The following NXPH1 variants were observed in gnomAD, a reference collection of about 807,000 sequenced individuals.
The protein encoded by NXPH1 is neurexophilin 1.
A neutral mutation model predicts 23.7 loss-of-function variants in NXPH1; 5 were observed. That is an observed-to-expected ratio of 0.21 (90% CI 0.11 to 0.44). The LOEUF is 0.44. Among genes scored for constraint, NXPH1 ranks in the 20% least tolerant of loss-of-function variants. The probability of loss-of-function intolerance (pLI) is 0.99; values close to 1 mark genes in which losing one functional copy is unlikely to be tolerated. For synonymous variants in NXPH1, 144 were observed against 122.2 expected (o/e 1.18, Z -1.18); for missense variants, 324 against 321.6 (o/e 1.01, Z -0.06).
In NXPH1 at chr7:8,495,407, T is replaced by G. The variant is rs533623693; in HGVS notation, c.54+59640T>G. Among the ~76,000 whole-genome samples, 26 of 151,836 alleles carry G rather than the reference T, an allele frequency of 1.7e-4. No individual in the cohort carries two copies. In the South Asian group the frequency reaches 5.4e-3, roughly 32 times the overall value. ...TTTCACAGCAACATTGAGGCTTGTG[T>G]TTGACCAAACAACCGAACACCATGT... On this transcript the variant is annotated intron_variant, in intron 2 of 2. Coordinates refer to ENST00000405863, the MANE Select transcript of NXPH1 (RefSeq NM_152745.3).
chr7:8,496,804 A>G (rs1472730775), intron 2 of NXPH1, among the ~76,000 whole-genome samples: 1 of 152,122 alleles, frequency 6.6e-6, no homozygotes, highest in South Asian at 2.1e-4. Flanking sequence ...ATGCTCAGAT[A>G]TATCTATTTA....
At chr7:8,584,781 T>C (rs1033630375) in intron 2 of NXPH1, among the ~76,000 whole-genome samples, 1 of 152,198 alleles carries the variant, frequency 6.6e-6, no homozygotes, top group Non-Finnish European at 1.5e-5. Context: ...AATTTCACAA[T>C]CCTTTTGTGT....
At chr7:8,571,941 C>A (rs1327763664) in intron 2 of NXPH1, among the ~76,000 whole-genome samples, 7 of 151,152 alleles carry the variant, frequency 4.6e-5, no homozygotes, top group Admixed American at 6.6e-5. Flanking sequence ...TCTGAATTCA[C>A]TATCTGCTGA....
At chr7:8,608,665 AT>A (rs1423529030) in intron 2 of NXPH1, among the ~76,000 whole-genome samples, 1 of 152,108 alleles carries the variant, frequency 6.6e-6, no homozygotes, top group Non-Finnish European at 1.5e-5. Context: ...CTTTGAAAAC[AT>A]TGACTTTTTT....
At chr7:8,634,998 A>G (rs1027534617) in intron 2 of NXPH1, among the ~76,000 whole-genome samples, 1 of 152,196 alleles carries the variant, frequency 6.6e-6, no homozygotes, top group African/African-American at 2.4e-5. Context: ...GGAAGTGCAA[A>G]CAACATTTGA....
intron 2 of NXPH1, among the ~76,000 whole-genome samples, chr7:8,624,057 G>T (rs909128533): frequency 6.6e-6 from 1 of 152,160 alleles, no homozygotes; most frequent in Admixed American, 6.5e-5. Context: ...AGGGAAGGGG[G>T]ATAAATAGGT....
At chr7:8,610,988 A>G (rs995100083) in intron 2 of NXPH1, among the ~76,000 whole-genome samples, 1 of 152,170 alleles carries the variant, frequency 6.6e-6, no homozygotes, top group East Asian at 1.9e-4. Flanking sequence ...TCACAATAGC[A>G]CTGGGTCTGG....
At chr7:8,577,766 T>C (rs1310716547) in intron 2 of NXPH1, among the ~76,000 whole-genome samples, 2 of 152,190 alleles carry the variant, frequency 1.3e-5, no homozygotes, top group African/African-American at 2.4e-5. Flanking sequence ...GAGGTGATGA[T>C]GTGTGATTTT....
intron 2 of NXPH1, among the ~76,000 whole-genome samples, chr7:8,588,905 G>A (rs537326431): frequency 6.6e-6 from 1 of 152,210 alleles, no homozygotes; most frequent in Admixed American, 6.5e-5. Context: ...AGGTTGATAA[G>A]TGTACAATTT....
At chr7:8,645,723 A>G (rs73239910) in intron 2 of NXPH1, among the ~76,000 whole-genome samples, 3,705 of 152,112 alleles carry the variant, frequency 0.024, 137 homozygotes, top group African/African-American at 0.078. Flanking sequence ...TTTGTTCCTT[A>G]TATTCGAGTG....
At chr7:8,644,537 T>C (rs2115146358) in intron 2 of NXPH1, among the ~76,000 whole-genome samples, 1 of 152,308 alleles carries the variant, frequency 6.6e-6, no homozygotes, top group East Asian at 1.9e-4. Context: ...TTTTTCTTCT[T>C]GATGACTGCA....
rs76725812 is a variant in NXPH1 at position 8,745,384 on chromosome 7, T to C, written c.55-5624T>C. On this transcript the variant is annotated intron_variant, in intron 2 of 2. Transcript: ENST00000405863. Reference sequence around the variant, plus strand: ...CTCTTAGCATGGTCTCACTTAAATGTGGAGTGTAAAAAAGTTGAACTCATA... The same window carrying C: ...CTCTTAGCATGGTCTCACTTAAATGCGGAGTGTAAAAAAGTTGAACTCATA... Among the ~76,000 whole-genome samples, 238 of 131,990 alleles carry C rather than the reference T, an allele frequency of 1.8e-3. 1 individual carries two copies. Among genetic ancestry groups the C allele is most frequent in the Non-Finnish European group, 3.1e-3 (205 of 66,172 alleles). 86.6% of individuals were successfully genotyped at this position (131,990 alleles called of 152,430 possible). A position where few individuals can be genotyped will look rare whatever the true frequency, so the allele number is the denominator to read the frequency against.
At chr7:8,465,928 T>C (rs911867992) in intron 2 of NXPH1, among the ~76,000 whole-genome samples, 1 of 152,148 alleles carries the variant, frequency 6.6e-6, no homozygotes, top group South Asian at 2.1e-4. Flanking sequence ...CTGTCCCCCA[T>C]GTACTGCAAA....
chr7:8,561,312 C>G (rs917480677), intron 2 of NXPH1, among the ~76,000 whole-genome samples: 2 of 147,268 alleles, frequency 1.4e-5, no homozygotes, highest in African/African-American at 2.5e-5. Context: ...CTCCTTACTT[C>G]TTGTAACACT....
intron 2 of NXPH1, among the ~76,000 whole-genome samples, chr7:8,647,383 G>A (rs1210983610): frequency 1.3e-5 from 2 of 152,180 alleles, no homozygotes; most frequent in Admixed American, 6.5e-5. Context: ...GTGGGAGGCA[G>A]AGAGGCAGGC....
At chr7:8,585,308 T>C (rs1478640828) in intron 2 of NXPH1, among the ~76,000 whole-genome samples, 1 of 152,152 alleles carries the variant, frequency 6.6e-6, no homozygotes, top group African/African-American at 2.4e-5. Flanking sequence ...GGGGTCCAAA[T>C]GAGGTATGCT....
chr7:8,625,203 A>C (rs557378456), intron 2 of NXPH1, among the ~76,000 whole-genome samples: 58 of 152,300 alleles, frequency 3.8e-4, no homozygotes, highest in African/African-American at 1.4e-3. Context: ...AGATACATCC[A>C]TATAGCATTT....
chr7:8,454,713 C>T (rs1816563080), intron 2 of NXPH1, among the ~76,000 whole-genome samples: 2 of 152,032 alleles, frequency 1.3e-5, no homozygotes, highest in African/African-American at 2.4e-5. Flanking sequence ...GGTGGCTTGT[C>T]GTAGAGTTAG....
intron 2 of NXPH1, among the ~76,000 whole-genome samples, chr7:8,730,543 CA>C (rs2115215912): frequency 6.6e-6 from 1 of 151,900 alleles, no homozygotes; most frequent in Non-Finnish European, 1.5e-5. Context: ...CTGGTGGTGA[CA>C]AAATCTCTCA....
Sources: gnomAD v4.1 joint callset for allele counts (sites outside exome capture counted in the v4.1 genomes callset) on GRCh38, gnomAD v4.1.1 for gene constraint, MANE v1.5 for transcripts, NCBI Gene and HGNC (gene_info 2026-07-23, HGNC 2026-07-21) for gene names.